The following SLC16A12 variants were observed in gnomAD, a reference collection of about 807,000 sequenced individuals.
SLC16A12 encodes the protein monocarboxylate transporter 12.
SLC16A12 carries 17 observed loss-of-function variants against 42.4 expected under a neutral mutation model. The observed-to-expected ratio is 0.40, with a 90% CI of 0.27 to 0.60. The LOEUF (loss-of-function observed/expected upper bound fraction) is 0.60. Among genes scored for constraint, SLC16A12 ranks in the 20% least tolerant of loss-of-function variants. SLC16A12 has a pLI of 0.42. For missense variants in SLC16A12, 544 were observed against 623.0 expected (o/e 0.87, Z 1.35); for synonymous variants, 224 against 229.4 (o/e 0.98, Z 0.21).
chr10:89,474,711 C>T (rs1242331812), intron 2 of SLC16A12, among the ~76,000 whole-genome samples: 1 of 152,156 alleles, frequency 6.6e-6, no homozygotes, highest in Non-Finnish European at 1.5e-5. Flanking sequence ...CAGAATAAGC[C>T]ACAAAGTAAT....
chr10:89,435,443 T>G (rs972532785), intron 7 of SLC16A12, among the ~76,000 whole-genome samples: 4 of 152,254 alleles, frequency 2.6e-5, no homozygotes, highest in African/African-American at 9.6e-5. Context: ...TTATTTCTGC[T>G]GCAGCAGCCC....
intron 5 of SLC16A12, among the ~76,000 whole-genome samples, chr10:89,440,745 T>C (rs1249531829): frequency 1.3e-5 from 2 of 152,240 alleles, no homozygotes; most frequent in Non-Finnish European, 2.9e-5. Flanking sequence ...GCAACTCAGA[T>C]TGACCGTCAA....
At position 89,547,966 on chromosome 10, in the gene SLC16A12, C is replaced by CAAA. The variant is rs60543445; in HGVS notation, c.-47+7913_-47+7915dup. Reference sequence around the variant, plus strand: ...TCAAGCCACTGCACTCCAGCCTGGGCAAAAAAAAAAAAAAAAAAAAAAGTG... The same window carrying CAAA: ...TCAAGCCACTGCACTCCAGCCTGGGCAAAAAAAAAAAAAAAAAAAAAAAAAGTG... On this transcript the variant is annotated intron_variant, in intron 2 of 2. Coordinates refer to the SLC16A12 transcript ENST00000475682. Among the ~76,000 whole-genome samples, 31 of 81,580 alleles carry CAAA rather than the reference C, an allele frequency of 3.8e-4. 1 individual carries two copies. Among genetic ancestry groups the CAAA allele is most frequent in the African/African-American group, 9.3e-4 (20 of 21,536 alleles). The allele number at this position is 81,580 out of a possible 152,430, so 53.5% of individuals were successfully genotyped here. A position where few individuals can be genotyped will look rare whatever the true frequency, so the allele number is the denominator to read the frequency against.
At chr10:89,539,909 C>CTTTCTTTCTTTCTTTCT (rs370913553), upstream of SLC16A12, among the ~76,000 whole-genome samples, 567 of 137,090 alleles carry the variant, frequency 4.1e-3, 1 homozygote, top group African/African-American at 0.01. Context: ...TTCTTTCTTT[C>CTTTCTTTCTTTCTTTCT]TTTTTTCTTT....
At chr10:89,515,824 T>C (rs1261433392) in intron 2 of SLC16A12, among the ~76,000 whole-genome samples, 1 of 152,092 alleles carries the variant, frequency 6.6e-6, no homozygotes, top group Non-Finnish European at 1.5e-5. Context: ...ATCAGTACCA[T>C]AACAGGAGAA....
intron 3 of SLC16A12, among the ~76,000 whole-genome samples, chr10:89,451,520 T>TCTTGAA (rs1842096125): frequency 6.6e-6 from 1 of 152,064 alleles, no homozygotes; most frequent in Non-Finnish European, 1.5e-5. Flanking sequence ...CAAGCAATTA[T>TCTTGAA]CCTGTCTCAG....
chr10:89,511,842 C>CA (rs1246501875), intron 2 of SLC16A12, among the ~76,000 whole-genome samples: 1 of 152,138 alleles, frequency 6.6e-6, no homozygotes, highest in Non-Finnish European at 1.5e-5. Flanking sequence ...AGCCAGGACT[C>CA]AAACAAATGT....
At chr10:89,532,365 C>T (rs1843568969) in intron 2 of SLC16A12, among the ~76,000 whole-genome samples, 1 of 152,208 alleles carries the variant, frequency 6.6e-6, no homozygotes, top group Admixed American at 6.5e-5. Context: ...GTTCAACAGA[C>T]ACCACCTTCA....
intron 2 of SLC16A12, among the ~76,000 whole-genome samples, chr10:89,496,471 T>G (rs1460759313): frequency 6.6e-6 from 1 of 151,882 alleles, no homozygotes; most frequent in Non-Finnish European, 1.5e-5. Flanking sequence ...TTCAGAAGAG[T>G]TAATATTCAA....
At chr10:89,440,864 T>C (rs1392457354) in intron 5 of SLC16A12, among the ~76,000 whole-genome samples, 1 of 152,198 alleles carries the variant, frequency 6.6e-6, no homozygotes, top group Non-Finnish European at 1.5e-5. Flanking sequence ...AGTCATACAC[T>C]AATTCCAAGG....
At chr10:89,514,687 T>C (rs763663829) in intron 2 of SLC16A12, among the ~76,000 whole-genome samples, 6 of 152,180 alleles carry the variant, frequency 3.9e-5, no homozygotes, top group Non-Finnish European at 7.3e-5. Context: ...TACCATCACA[T>C]TGGGGGTGAC....
intron 6 of SLC16A12, among the ~76,000 whole-genome samples, chr10:89,436,804 GAGGA>G (rs72103752): frequency 0.082 from 10,748 of 131,380 alleles, 573 homozygotes; most frequent in South Asian, 0.12. Context: ...GAAAGGAAAG[GAGGA>G]AGGAAGGAAG....
At chr10:89,519,778 A>G (rs568444155) in intron 2 of SLC16A12, among the ~76,000 whole-genome samples, 2 of 152,218 alleles carry the variant, frequency 1.3e-5, no homozygotes, top group African/African-American at 4.8e-5. Context: ...CAACAGAATG[A>G]CTCAGATTTT....
intron 3 of SLC16A12, among the ~76,000 whole-genome samples, chr10:89,456,847 C>T (rs567716354): frequency 1.3e-5 from 2 of 152,232 alleles, no homozygotes; most frequent in South Asian, 4.2e-4. Context: ...TAATGGCTTC[C>T]AGCTCCATTC....
chr10:89,436,264 G>C lies in SLC16A12; in HGVS notation c.1084C>G (p.Leu362Val). The change falls in exon 7 of 8, where the codon CTC becomes GTC. Residue 362 changes from leucine (L) to valine (V), a missense_variant. By Grantham distance (32) the Leu-to-Val change is conservative. Transcript: ENST00000371790. ...AGCATTGGGAGGCAGAGATAGCAGA[G>C]CCCATCCATTCCCACGGCAAAGAGG... is the stretch of plus-strand genomic sequence containing the variant. ...CYLFAVGMDG[L>V]CYLCLPMLQS... 1 of 1,614,120 alleles carries C rather than the reference G, an allele frequency of 6.2e-7. No homozygotes were observed. Among genetic ancestry groups the C allele is most frequent in the Non-Finnish European group, 8.5e-7 (1 of 1,179,988 alleles).
At chr10:89,492,219 C>A (rs748677551) in intron 2 of SLC16A12, among the ~76,000 whole-genome samples, 4 of 152,016 alleles carry the variant, frequency 2.6e-5, no homozygotes, top group Non-Finnish European at 5.9e-5. Context: ...TGATCACAAC[C>A]AATAGATACC....
chr10:89,508,099 G>A (rs1397204918), intron 2 of SLC16A12, among the ~76,000 whole-genome samples: 4 of 152,130 alleles, frequency 2.6e-5, no homozygotes, highest in Non-Finnish European at 4.4e-5. Flanking sequence ...GACCTACAAA[G>A]AGACTTAGAC....
chr10:89,507,411 G>A lies in SLC16A12; in HGVS notation c.-47+27090C>T, dbSNP rs57496526. Among the ~76,000 whole-genome samples the A allele has an allele frequency of 9.1e-3, 1,379 of 152,276 alleles. 21 individuals carry two copies. The highest frequency in any genetic ancestry group is 0.032 in the African/African-American group (1,312 of 41,562). On this transcript the variant is annotated intron_variant, in intron 2 of 7. Transcript: ENST00000371790. The stretch of plus-strand genomic sequence containing the variant: ...CCCTACAAGCCAGAAGGGAGTGGGG[G>A]CCAATATTCAACATTCTTAAAGAAA...
intron 2 of SLC16A12, among the ~76,000 whole-genome samples, chr10:89,517,196 G>A (rs945840275): frequency 1.3e-5 from 2 of 152,188 alleles, no homozygotes; most frequent in African/African-American, 4.8e-5. Flanking sequence ...CTGTACTCCA[G>A]CGTGGGTGAC....
Sources: allele counts gnomAD v4.1 joint callset (sites outside exome capture counted in the v4.1 genomes callset), GRCh38; gene constraint gnomAD v4.1.1; transcripts MANE v1.5; gene names NCBI Gene and HGNC (gene_info 2026-07-23, HGNC 2026-07-21).